Variants in GLMN observed in about 807,000 individuals in gnomAD.
GLMN encodes glomulin, FKBP associated protein.
GLMN carries 75 observed loss-of-function variants against 87.8 expected under a neutral mutation model. The observed-to-expected ratio is 0.85, with a 90% CI of 0.71 to 1.04. GLMN has a LOEUF of 1.04. Among genes scored for constraint, GLMN ranks in the 50% least tolerant of loss-of-function variants. The pLI is 0.00. For synonymous variants in GLMN, 206 were observed against 221.6 expected (o/e 0.93, Z 0.63); for missense variants, 588 against 658.8 (o/e 0.89, Z 1.18).
chr1:92,321,310 T>G, the GLMN span, among the ~76,000 whole-genome samples: 1 of 152,210 alleles, frequency 6.6e-6, no homozygotes, highest in Non-Finnish European at 1.5e-5. Flanking sequence ...GTTCTAATTT[T>G]TTTGAGCTTA....
rs1570804628 is a variant in GLMN at position 92,246,431 on chromosome 1, AGC to A, written c.*97_*98del. ...TGAGAAAAGCTACATTTATTTTTCA[AGC>A]AGTAAATTTTTACAGAAAAATTTTT... On this transcript the variant is annotated 3_prime_UTR_variant, in exon 19 of 19. Transcript: ENST00000370360. 1.5e-6 allele frequency: 1 copy of A among 663,116 alleles called. No individual in the cohort carries two copies. The highest frequency in any genetic ancestry group is 2.8e-5 in the East Asian group (1 of 36,206). 41.1% of individuals were successfully genotyped at this position (663,116 alleles called of 1,614,324 possible).
chr1:92,338,977 T>A, the GLMN span, among the ~76,000 whole-genome samples: 1 of 152,182 alleles, frequency 6.6e-6, no homozygotes, highest in Admixed American at 6.5e-5. Context: ...ATCACCATTC[T>A]GAGCAAACCG....
At chr1:92,329,188 G>A in the GLMN span, among the ~76,000 whole-genome samples, 43 of 152,318 alleles carry the variant, frequency 2.8e-4, no homozygotes, top group African/African-American at 9.6e-4. Flanking sequence ...TTGCTCTGGG[G>A]TCAGGCAGTG....
At chr1:92,346,336 G>A in the GLMN span, among the ~76,000 whole-genome samples, 1 of 151,826 alleles carries the variant, frequency 6.6e-6, no homozygotes, top group African/African-American at 2.4e-5. Context: ...GCTAATTTTT[G>A]TATTTTTTGT....
At chr1:92,272,550 T>A (rs1656348442) in intron 7 of GLMN, among the ~76,000 whole-genome samples, 1 of 152,192 alleles carries the variant, frequency 6.6e-6, no homozygotes, top group South Asian at 2.1e-4. Flanking sequence ...ATCTGAAACG[T>A]GAGACATACA....
chr1:92,353,234 G>A, the GLMN span, among the ~76,000 whole-genome samples: 1 of 152,132 alleles, frequency 6.6e-6, no homozygotes, highest in Non-Finnish European at 1.5e-5. Flanking sequence ...TGGGTCATAT[G>A]ATAACTCTGT....
intron 7 of GLMN, among the ~76,000 whole-genome samples, chr1:92,272,645 G>A (rs1656359210): frequency 6.6e-6 from 1 of 152,192 alleles, no homozygotes; most frequent in Non-Finnish European, 1.5e-5. Flanking sequence ...TAGAGAGTGG[G>A]ATGCAGGAAC....
chr1:92,278,274 A>G (rs2100970160), intron 7 of GLMN, among the ~76,000 whole-genome samples: 1 of 152,116 alleles, frequency 6.6e-6, no homozygotes, highest in East Asian at 1.9e-4. Context: ...TGCTTATACT[A>G]CCTCCAGAAG....
chr1:92,262,254 G>A (rs577626845), intron 16 of GLMN, among the ~76,000 whole-genome samples: 1 of 152,170 alleles, frequency 6.6e-6, no homozygotes, highest in East Asian at 1.9e-4. Context: ...GACACATATA[G>A]GGAAAGCAAT....
chr1:92,286,572 C>T lies in GLMN; in HGVS notation c.653G>A (p.Cys218Tyr). ...AAAGAATTGTGCTGTCAGCAAAGGGCATTTCAAGCTTTTGAAACAACTAAG... is the reference window on the plus strand; with the variant it reads ...AAAGAATTGTGCTGTCAGCAAAGGGTATTTCAAGCTTTTGAAACAACTAAG... ...LLKFCFKSLK[C>Y]PLLTAQFFEQ... Residue 218 changes from cysteine (C) to tyrosine (Y), a missense_variant, in exon 7 of 19, where the codon TGC becomes TAC. By Grantham distance (194) the Cys-to-Tyr change is radical. Transcript: ENST00000370360. 3.1e-6 allele frequency: 5 copies of T among 1,595,362 alleles called. No homozygotes were observed. Among genetic ancestry groups the T allele is most frequent in the Non-Finnish European group, 4.3e-6 (5 of 1,163,398 alleles).
chr1:92,305,218 G>C, the GLMN span, among the ~76,000 whole-genome samples: 23 of 151,870 alleles, frequency 1.5e-4, no homozygotes, highest in Admixed American at 7.9e-4. Context: ...AGATCACGAG[G>C]TCAGGAAATC....
At chr1:92,320,741 T>G in the GLMN span, 27 of 772,272 alleles carry the variant, frequency 3.5e-5, no homozygotes, top group African/African-American at 8.6e-5. Context: ...TGATGCATTA[T>G]GTAAGTGTCC....
chr1:92,291,461 CTAT>C lies in GLMN; in HGVS notation c.239_241del (p.Asp80_Ser81delinsGly). The C allele has an allele frequency of 6.3e-7, 1 of 1,598,608 alleles. No individual in the cohort carries two copies. The highest frequency in any genetic ancestry group is 8.6e-7 in the Non-Finnish European group (1 of 1,165,920). ...GATCAAAAAATAAACTTTTCTTTTA[CTAT>C]CCTCTTTATCTTTACACAAAAGGCA... On this transcript the variant is annotated inframe_deletion, in exon 4 of 19. Transcript: ENST00000370360.
chr1:92,306,419 T>C, the GLMN span, among the ~76,000 whole-genome samples: 1 of 152,234 alleles, frequency 6.6e-6, no homozygotes, highest in Admixed American at 6.5e-5. Context: ...AAAAAAAGTT[T>C]ATAGTAACAT....
chr1:92,349,081 A>T, the GLMN span, among the ~76,000 whole-genome samples: 1 of 152,226 alleles, frequency 6.6e-6, no homozygotes, highest in Non-Finnish European at 1.5e-5. Flanking sequence ...ACATGGGTGT[A>T]TGTCTTTTTT....
chr1:92,300,212 C>T (rs746031061), upstream of GLMN: 1 of 1,610,252 alleles, frequency 6.2e-7, no homozygotes, highest in Non-Finnish European at 8.5e-7. Flanking sequence ...CAGACAAGTA[C>T]TTTGAAACAA....
chr1:92,304,120 A>G, the GLMN span: 10 of 1,387,356 alleles, frequency 7.2e-6, no homozygotes, highest in African/African-American at 1.3e-4. Context: ...TATTATTTTC[A>G]TTTAGCAAAA....
the GLMN span, chr1:92,324,523 C>T: frequency 4.7e-6 from 3 of 638,754 alleles, no homozygotes; most frequent in Non-Finnish European, 8.0e-6. Context: ...GTTTACAGTG[C>T]CATCTCCACT....
At chr1:92,299,153 G>T, upstream of GLMN, 1 of 1,498,398 alleles carries the variant, frequency 6.7e-7, no homozygotes, top group Non-Finnish European at 9.0e-7. Flanking sequence ...GCAGGTAGGA[G>T]CAAGGATCTC....
Sources: gnomAD v4.1 joint callset for allele counts (sites outside exome capture counted in the v4.1 genomes callset) on GRCh38, gnomAD v4.1.1 for gene constraint, MANE v1.5 for transcripts, NCBI Gene and HGNC (gene_info 2026-07-23, HGNC 2026-07-21) for gene names.